DNAH12: variants seen among roughly 807,000 people sequenced by gnomAD.
DNAH12 encodes dynein axonemal heavy chain 12, also known as axonemal beta dynein heavy chain 12.
DNAH12 carries 285 observed loss-of-function variants against 371.5 expected under a neutral mutation model. That is an observed-to-expected ratio of 0.77 (90% confidence interval 0.70 to 0.85). The LOEUF (loss-of-function observed/expected upper bound fraction) is 0.85. DNAH12 is among the 40% of genes least tolerant of loss of function. The pLI is 0.00. For missense variants in DNAH12, 3,611 were observed against 3,689.4 expected, an observed-to-expected ratio of 0.98 and a Z score of 0.55; for synonymous variants, 1,200 against 1,213.0, an observed-to-expected ratio of 0.99 and a Z score of 0.22.
rs940714108 is a variant in DNAH12 at position 57,392,645 on chromosome 3, C to T, written c.7111-579G>A. 7.5e-4 allele frequency among the ~76,000 whole-genome samples: 113 copies of T among 151,646 alleles called. 1 individual carries two copies. Among genetic ancestry groups the T allele is most frequent in the African/African-American group, 2.2e-3 (92 of 41,364 alleles). ...CACACACACAGTGTATTTTGTGCTA[C>T]GGGAAGATAAGCAGGATAAAATAAC... On this transcript the variant is annotated intron_variant, in intron 44 of 73. Transcript: ENST00000495027.
chr3:57,501,806 T>A (rs2067556866), intron 10 of DNAH12, among the ~76,000 whole-genome samples: 1 of 152,228 alleles, frequency 6.6e-6, no homozygotes, highest in African/African-American at 2.4e-5. Flanking sequence ...GCTTTTACCC[T>A]TGAATTATTC....
intron 39 of DNAH12, among the ~76,000 whole-genome samples, chr3:57,410,010 G>T (rs2153354936): frequency 6.6e-6 from 1 of 152,268 alleles, no homozygotes; most frequent in Admixed American, 6.5e-5. Context: ...TGCTGATTAT[G>T]GTTACTTAGG....
At chr3:57,491,081 C>CAAAAAAAAAAAAAAAAAAA (rs553885449) in intron 11 of DNAH12, among the ~76,000 whole-genome samples, 1 of 70,382 alleles carries the variant, frequency 1.4e-5, no homozygotes. Flanking sequence ...GACTCTATCT[C>CAAAAAAAAAAAAAAAAAAA]AAAAAAAAAA....
chr3:57,314,559 G>A lies in DNAH12; in HGVS notation c.10597C>T (p.Leu3533Phe), dbSNP rs1168282376. 1 of 1,551,144 alleles carries A rather than the reference G, an allele frequency of 6.4e-7. No homozygotes were observed. Among genetic ancestry groups the A allele is most frequent in the Admixed American group, 2.0e-5 (1 of 50,916 alleles). Residue 3533 changes from leucine (L) to phenylalanine (F), a missense_variant, in exon 66 of 74, where the codon CTT becomes TTT. Around this residue, in one of 3 missense-constraint regions of DNAH12, gnomAD observed 2,266 missense variants for 2,236.9 expected, o/e 1.01. Coordinates refer to ENST00000495027, the MANE Select transcript of DNAH12 (RefSeq NM_001366028.2). Reference protein sequence around the residue: ...LVQERKKFGPLGWNIPYGFNE... With the variant: ...LVQERKKFGPFGWNIPYGFNE... ...AATCCATATGGAATATTCCAACCAAGAGGACCAAATTTCTTTCTCTCTTGC... is the reference window on the plus strand; with the variant it reads ...AATCCATATGGAATATTCCAACCAAAAGGACCAAATTTCTTTCTCTCTTGC...
At chr3:57,338,081 T>G (rs1046112573) in intron 60 of DNAH12, among the ~76,000 whole-genome samples, 6 of 152,308 alleles carry the variant, frequency 3.9e-5, no homozygotes, top group African/African-American at 1.2e-4. Context: ...GCCGTGATCT[T>G]GGCTCGCTGC....
At chr3:57,473,866 G>A (rs931256020) in intron 13 of DNAH12, among the ~76,000 whole-genome samples, 1 of 151,980 alleles carries the variant, frequency 6.6e-6, no homozygotes, top group Non-Finnish European at 1.5e-5. Flanking sequence ...AAGAGAAAAA[G>A]CATATGATCA....
At chr3:57,432,905 T>C (rs926371569) in intron 32 of DNAH12, among the ~76,000 whole-genome samples, 1 of 152,232 alleles carries the variant, frequency 6.6e-6, no homozygotes, top group African/African-American at 2.4e-5. Context: ...ATACCTTATA[T>C]ATGTTGTCTC....
intron 39 of DNAH12, 122 bp from the exon 40 acceptor site, chr3:57,408,657 T>C: frequency 8.0e-7 from 1 of 1,250,770 alleles, no homozygotes; most frequent in South Asian, 2.2e-5. Context: ...TAACTTCAGA[T>C]AACACTTTGA....
intron 65 of DNAH12, among the ~76,000 whole-genome samples, chr3:57,319,123 GGT>G (rs909462359): frequency 1.3e-5 from 2 of 151,942 alleles, no homozygotes; most frequent in Admixed American, 6.6e-5. Flanking sequence ...TATTGTTTTT[GGT>G]ACTATTATAA....
At chr3:57,454,667 C>T in intron 23 of DNAH12, 108 bp downstream of exon 23, 1 of 1,437,690 alleles carries the variant, frequency 7.0e-7, no homozygotes, top group Non-Finnish European at 9.3e-7. Flanking sequence ...GCCAGGAGTT[C>T]AAGACTAGCC....
In DNAH12 at chr3:57,501,428, C is replaced by T; in HGVS notation, c.1244-16G>A. 3 of 1,562,080 alleles carry T rather than the reference C, an allele frequency of 1.9e-6. No individual in the cohort carries two copies. The highest frequency in any genetic ancestry group is 2.6e-6 in the Non-Finnish European group (3 of 1,154,750). Reference sequence around the variant, plus strand: ...TATTTTTCAACTGAAAATTAATAATCTAATTAAAATCTCAATAATACCCTT... The same window carrying T: ...TATTTTTCAACTGAAAATTAATAATTTAATTAAAATCTCAATAATACCCTT... On this transcript the variant is annotated splice_polypyrimidine_tract_variant and intron_variant, in intron 10 of 73. Transcript: ENST00000495027.
intron 11 of DNAH12, among the ~76,000 whole-genome samples, chr3:57,490,340 A>G (rs577551343): frequency 2.0e-5 from 3 of 152,288 alleles, no homozygotes; most frequent in Non-Finnish European, 2.9e-5. Flanking sequence ...TGTTAAAAAT[A>G]TAATGATAAT....
upstream of DNAH12, among the ~76,000 whole-genome samples, chr3:57,547,471 T>C (rs1431182287): frequency 6.6e-6 from 1 of 152,164 alleles, no homozygotes; most frequent in African/African-American, 2.4e-5. Context: ...GTACATCCTT[T>C]TTAATAGCCA....
chr3:57,319,748 T>A (rs1255012853), intron 65 of DNAH12, among the ~76,000 whole-genome samples: 1 of 151,572 alleles, frequency 6.6e-6, no homozygotes, highest in Non-Finnish European at 1.5e-5. Context: ...TGCTAATTTT[T>A]TTTTTTTTTG....
chr3:57,331,483 G>A (rs1306578767), intron 62 of DNAH12, among the ~76,000 whole-genome samples: 2 of 152,130 alleles, frequency 1.3e-5, no homozygotes, highest in Non-Finnish European at 2.9e-5. Flanking sequence ...TATCAGGCAA[G>A]AATGAGATGA....
intron 45 of DNAH12, among the ~76,000 whole-genome samples, chr3:57,388,067 TC>T (rs1210646892): frequency 1.9e-4 from 29 of 152,278 alleles, no homozygotes; most frequent in African/African-American, 7.0e-4. Context: ...CAAATTTGCT[TC>T]CTAGCCAGTC....
Position 57,366,921 on chromosome 3 carries a change from C to T in DNAH12, c.8975G>A (p.Gly2992Asp), listed in dbSNP as rs1355846524. ...ACCAAGTCTGATGCAATCAATGCCA[C>T]CTATATTTCAGAAAACAAATGCATA... ...PLLLRQTFKQ[G>D]GIDCIRLGEV... is the part of the protein sequence containing the mutation. The change falls in exon 57 of 74, where the codon GGT becomes GAT. Residue 2992 changes from glycine (G) to aspartate (D), a missense_variant and splice_region_variant. Transcript: ENST00000495027. 2 of 152,202 alleles carry T rather than the reference C, an allele frequency of 1.3e-5. No individual in the cohort carries two copies. The highest frequency in any genetic ancestry group is 1.9e-4 in the East Asian group (1 of 5,198). The allele number at this position is 152,202 out of a possible 1,614,324, so 9.4% of individuals were successfully genotyped here. A position where few individuals can be genotyped will look rare whatever the true frequency, so the allele number is the denominator to read the frequency against.
Position 57,352,146 on chromosome 3 carries a change from G to A in DNAH12, c.9613C>T (p.Arg3205Ter), listed in dbSNP as rs988822663. ...AGCTTGTCCTTCTCAAATAGTGATC[G>A]GCATATATTACAATATAAGTTGTAT... is the stretch of plus-strand genomic sequence containing the variant. ...FTYNLYCNIC[R>*]SLFEKDKLLF... The change falls in exon 60 of 74, where the codon CGA becomes TGA. Residue 3205 changes from arginine (R) to a stop codon, truncating the protein, a stop_gained. Coordinates refer to ENST00000495027, the MANE Select transcript of DNAH12 (RefSeq NM_001366028.2). LOFTEE classifies it high-confidence loss of function. 20 of 1,541,920 alleles carry A rather than the reference G, an allele frequency of 1.3e-5. No homozygotes were observed. The highest frequency in any genetic ancestry group is 2.0e-5 in the Admixed American group (1 of 49,156).
intron 41 of DNAH12, among the ~76,000 whole-genome samples, chr3:57,405,437 T>C (rs1451651455): frequency 6.6e-6 from 1 of 152,220 alleles, no homozygotes; most frequent in African/African-American, 2.4e-5. Flanking sequence ...ATCTATTATA[T>C]CATTTATTCC....
Sources: gnomAD v4.1 joint callset for allele counts (sites outside exome capture counted in the v4.1 genomes callset) on GRCh38, gnomAD v4.1.1 for gene constraint, gnomAD v4.1.1 regional missense constraint, MANE v1.5 for transcripts, NCBI Gene and HGNC (gene_info 2026-07-23, HGNC 2026-07-21) for gene names.